Variants in ZDHHC17 observed in about 807,000 individuals in gnomAD.
ZDHHC17 encodes zDHHC palmitoyltransferase 17.
In ZDHHC17, 40 loss-of-function variants were observed where a neutral mutation model predicts 90.3. The ratio of observed to expected loss-of-function variants is 0.44; its 90% CI spans 0.34 to 0.58. The LOEUF (loss-of-function observed/expected upper bound fraction) is 0.58. Ranked by LOEUF, ZDHHC17 falls within the 20% of genes least tolerant of loss-of-function variation. The pLI, the probability that ZDHHC17 is intolerant of heterozygous loss-of-function variation, is 0.01. For missense variants in ZDHHC17, 614 were observed against 780.8 expected, an observed-to-expected ratio of 0.79 and a Z score of 2.55; for synonymous variants, 235 against 252.4, an observed-to-expected ratio of 0.93 and a Z score of 0.65.
chr12:76,770,660 G>A (rs1394967641), intron 1 of ZDHHC17, among the ~76,000 whole-genome samples: 1 of 152,118 alleles, frequency 6.6e-6, no homozygotes, highest in Admixed American at 6.6e-5. Flanking sequence ...TGTGCTGGCC[G>A]GGCTTGGTGG....
chr12:76,815,421 T>C (rs967471310), intron 6 of ZDHHC17, among the ~76,000 whole-genome samples: 1 of 151,846 alleles, frequency 6.6e-6, no homozygotes, highest in Non-Finnish European at 1.5e-5. Context: ...GTTTCTCTTT[T>C]AACAATATCT....
intron 9 of ZDHHC17, among the ~76,000 whole-genome samples, chr12:76,827,276 CAT>C (rs1232626020): frequency 6.6e-6 from 1 of 151,982 alleles, no homozygotes; most frequent in Non-Finnish European, 1.5e-5. Flanking sequence ...AACACTAAAA[CAT>C]AGTTTGAGAA....
Position 76,809,874 on chromosome 12 carries a change from T to C in ZDHHC17, c.543+17T>C. The C allele has an allele frequency of 6.2e-7, 1 of 1,604,108 alleles. No individual in the cohort carries two copies. Among genetic ancestry groups the C allele is most frequent in the Non-Finnish European group, 8.5e-7 (1 of 1,174,486 alleles). On this transcript the variant is annotated intron_variant, in intron 5 of 16. Transcript: ENST00000426126. ...AAAGGACAGGTAAAAAAAATCTCAG[T>C]GGTATGGATTTTAATCAGATGTTCT...
intron 6 of ZDHHC17, among the ~76,000 whole-genome samples, chr12:76,815,655 A>T (rs1364730125): frequency 3.3e-5 from 5 of 151,884 alleles, no homozygotes; most frequent in African/African-American, 9.7e-5. Flanking sequence ...CTATTAATAT[A>T]TTATTTTATA....
chr12:76,832,741 T>TG (rs1953318702), intron 10 of ZDHHC17, among the ~76,000 whole-genome samples: 1 of 152,070 alleles, frequency 6.6e-6, no homozygotes, highest in Non-Finnish European at 1.5e-5. Context: ...GCACTGTGCT[T>TG]AAGGGCCCTT....
intron 10 of ZDHHC17, among the ~76,000 whole-genome samples, chr12:76,834,585 T>C (rs1953342127): frequency 6.6e-6 from 1 of 152,234 alleles, no homozygotes; most frequent in Admixed American, 6.5e-5. Context: ...AGCTTTTTAA[T>C]GTCTATCTTC....
At chr12:76,799,838 A>G (rs1286744522) in intron 2 of ZDHHC17, among the ~76,000 whole-genome samples, 2 of 152,188 alleles carry the variant, frequency 1.3e-5, no homozygotes, top group Non-Finnish European at 2.9e-5. Context: ...AATGCCTGGG[A>G]CCAGAAGTGT....
rs186529786 is a variant in ZDHHC17 at position 76,839,954 on chromosome 12, G to A, written c.1142-2028G>A. On this transcript the variant is annotated intron_variant, in intron 10 of 16. Transcript: ENST00000426126. Reference sequence around the variant, plus strand: ...AGGAAATTGTGTTGAGCACTTTGGCGAGGCCGAATAGCATAGGTCATATGA... The same window carrying A: ...AGGAAATTGTGTTGAGCACTTTGGCAAGGCCGAATAGCATAGGTCATATGA... The A allele has an allele frequency of 3.2e-4, 48 of 152,256 alleles. 2 individuals carry two copies. Among genetic ancestry groups the A allele is most frequent in the Admixed American group, 2.6e-3 (39 of 15,294 alleles). 9.4% of individuals were successfully genotyped at this position (152,256 alleles called of 1,614,324 possible). A position where few individuals can be genotyped will look rare whatever the true frequency, so the allele number is the denominator to read the frequency against.
In ZDHHC17 at chr12:76,805,518, AACTAAT is replaced by A. The variant is rs1471521438; in HGVS notation, c.320+83_320+88del. The stretch of plus-strand genomic sequence containing the variant: ...AATTAATAGAAGTAATTGTTATAAA[AACTAAT>A]ACTTTCTAAAATTCATGGCTTTTAG... On this transcript the variant is annotated intron_variant, in intron 3 of 16. Transcript: ENST00000426126. The A allele has an allele frequency of 3.4e-6, 4 of 1,187,080 alleles. No individual in the cohort carries two copies. In the African/African-American group the frequency reaches 6.2e-5, roughly 18 times the overall value. 73.5% of individuals were successfully genotyped at this position (1,187,080 alleles called of 1,614,324 possible).
intron 10 of ZDHHC17, among the ~76,000 whole-genome samples, chr12:76,829,819 G>A (rs1251546047): frequency 1.3e-5 from 2 of 152,028 alleles, no homozygotes; most frequent in African/African-American, 4.8e-5. Flanking sequence ...AATTAACAGT[G>A]TAGTATACTT....
chr12:76,825,372 A>G (rs561144555), intron 8 of ZDHHC17, among the ~76,000 whole-genome samples: 21 of 152,304 alleles, frequency 1.4e-4, no homozygotes, highest in East Asian at 1.2e-3. Flanking sequence ...CACATTTACT[A>G]TATAGTTGAA....
chr12:76,822,312 G>A (rs1953173219), intron 7 of ZDHHC17, 94 bp from the exon 8 acceptor site: 6 of 1,489,750 alleles, frequency 4.0e-6, no homozygotes, highest in South Asian at 3.7e-5. Context: ...CGTTAATAGG[G>A]CAGTAAATTA....
chr12:76,768,442 C>T (rs1218247462), intron 1 of ZDHHC17, among the ~76,000 whole-genome samples: 1 of 152,080 alleles, frequency 6.6e-6, no homozygotes, highest in Non-Finnish European at 1.5e-5. Context: ...CTACTAGGTA[C>T]GTAGCATTGT....
At chr12:76,803,520 T>A (rs572136736) in intron 2 of ZDHHC17, among the ~76,000 whole-genome samples, 92 of 152,228 alleles carry the variant, frequency 6.0e-4, no homozygotes, top group Non-Finnish European at 1.1e-3. Context: ...CAGCTCTCCA[T>A]ATACCCTGGG....
intron 7 of ZDHHC17, among the ~76,000 whole-genome samples, chr12:76,817,394 G>A (rs1026912873): frequency 4.6e-5 from 7 of 152,004 alleles, no homozygotes; most frequent in South Asian, 2.1e-4. Flanking sequence ...GATCATGCAC[G>A]AGGAATACAT....
intron 10 of ZDHHC17, among the ~76,000 whole-genome samples, chr12:76,831,205 C>T (rs1953296203): frequency 6.6e-6 from 1 of 152,158 alleles, no homozygotes; most frequent in Non-Finnish European, 1.5e-5. Context: ...GAGGACATAC[C>T]TGACATGTAA....
chr12:76,848,499 A>G (rs1953522455), intron 15 of ZDHHC17, 109 bp downstream of exon 15: 1 of 1,194,742 alleles, frequency 8.4e-7, no homozygotes. Context: ...TCAAATATTC[A>G]TTTTATTTTT....
At chr12:76,812,965 G>A (rs1953043644) in intron 5 of ZDHHC17, among the ~76,000 whole-genome samples, 2 of 152,020 alleles carry the variant, frequency 1.3e-5, no homozygotes, top group African/African-American at 2.4e-5. Context: ...ATACCCATAC[G>A]TCCAGGCTGA....
chr12:76,848,469 T>TTTTA, intron 15 of ZDHHC17, 79 bp downstream of exon 15: 1 of 1,412,934 alleles, frequency 7.1e-7, no homozygotes, highest in Non-Finnish European at 9.6e-7. Context: ...ATATATTCTC[T>TTTTA]TCCTAACCAC....
Sources: gnomAD v4.1 joint callset for allele counts (sites outside exome capture counted in the v4.1 genomes callset) on GRCh38, gnomAD v4.1.1 for gene constraint, MANE v1.5 for transcripts, NCBI Gene and HGNC (gene_info 2026-07-23, HGNC 2026-07-21) for gene names.